The following ATXN1 variants were observed in gnomAD, a reference collection of about 807,000 sequenced individuals.
ATXN1 encodes ataxin 1.
In ATXN1, 8 loss-of-function variants were observed where a neutral mutation model predicts 56.4. That is an observed-to-expected ratio of 0.14 (90% confidence interval 0.08 to 0.26). The LOEUF is 0.26. ATXN1 is among the 10% of genes least tolerant of loss of function. The probability of loss-of-function intolerance (pLI) is 1.00; values close to 1 mark genes in which losing one functional copy is unlikely to be tolerated. For synonymous variants in ATXN1, 514 were observed against 494.6 expected, an observed-to-expected ratio of 1.04 and a Z score of -0.52; for missense variants, 987 against 1,106.5, an observed-to-expected ratio of 0.89 and a Z score of 1.53.
chr6:16,533,194 GA>G (rs1761537641), intron 4 of ATXN1, among the ~76,000 whole-genome samples: 1 of 152,084 alleles, frequency 6.6e-6, no homozygotes, highest in South Asian at 2.1e-4. Flanking sequence ...TTAAAAATGG[GA>G]AAAATGATGA....
intron 2 of ATXN1, among the ~76,000 whole-genome samples, chr6:16,703,446 G>A (rs925080982): frequency 6.6e-5 from 10 of 152,116 alleles, no homozygotes; most frequent in South Asian, 4.2e-4. Flanking sequence ...AAACCTGCAA[G>A]TTGTGCACAT....
intron 5 of ATXN1, among the ~76,000 whole-genome samples, chr6:16,490,661 T>G (rs1345165801): frequency 6.6e-6 from 1 of 152,212 alleles, no homozygotes; most frequent in Non-Finnish European, 1.5e-5. Context: ...TCCTTTTATT[T>G]AGTAGACTAG....
intron 3 of ATXN1, among the ~76,000 whole-genome samples, chr6:16,606,888 T>TGTGTGTGTGTGTGTGTG (rs145108851): frequency 1.6e-4 from 23 of 147,032 alleles, no homozygotes; most frequent in Admixed American, 3.4e-4. Flanking sequence ...TGTGTGTGTG[T>TGTGTGTGTGTGTGTGTG]TGTTTGTTTG....
At position 16,300,452 on chromosome 6, in the gene ATXN1, A is replaced by G. The variant is rs1392814776; in HGVS notation, c.*5877T>C. On this transcript the variant is annotated 3_prime_UTR_variant, in exon 8 of 8. Transcript: ENST00000436367. ...CGAGATTCTGAATTTAAGAATTGTA[A>G]GTGGGGGTGCTTAATATCCCCACAG... 1 of 152,356 alleles carries G rather than the reference A, an allele frequency of 6.6e-6. No homozygotes were observed. The highest frequency in any genetic ancestry group is 1.5e-5 in the Non-Finnish European group (1 of 68,034). The allele number at this position is 152,356 out of a possible 1,614,324, so 9.4% of individuals were successfully genotyped here. A position where few individuals can be genotyped will look rare whatever the true frequency, so the allele number is the denominator to read the frequency against.
chr6:16,459,528 C>T (rs1759948278), intron 6 of ATXN1, among the ~76,000 whole-genome samples: 1 of 152,144 alleles, frequency 6.6e-6, no homozygotes, highest in Non-Finnish European at 1.5e-5. Context: ...GAAGTAATTC[C>T]TCTATATCCG....
At chr6:16,435,035 G>C (rs998553658) in intron 6 of ATXN1, among the ~76,000 whole-genome samples, 1 of 152,098 alleles carries the variant, frequency 6.6e-6, no homozygotes, top group Non-Finnish European at 1.5e-5. Flanking sequence ...AGTAGGACTT[G>C]GTGACACATT....
chr6:16,598,407 T>TATATGC (rs774379504), intron 3 of ATXN1, among the ~76,000 whole-genome samples: 2 of 152,244 alleles, frequency 1.3e-5, no homozygotes, highest in Non-Finnish European at 2.9e-5. Flanking sequence ...ATCTCCAAAA[T>TATATGC]ATATGCATAT....
intron 7 of ATXN1, among the ~76,000 whole-genome samples, chr6:16,322,064 A>T (rs963716537): frequency 6.6e-6 from 1 of 152,294 alleles, no homozygotes; most frequent in East Asian, 1.9e-4. Context: ...TCTACAAAAA[A>T]ACACAGAAAA....
chr6:16,604,226 C>T (rs984496008), intron 3 of ATXN1, among the ~76,000 whole-genome samples: 1 of 150,894 alleles, frequency 6.6e-6, no homozygotes, highest in Non-Finnish European at 1.5e-5. Context: ...GCACATGGCA[C>T]ACACCTGTAA....
chr6:16,634,256 C>T (rs944040278), intron 3 of ATXN1, among the ~76,000 whole-genome samples: 12 of 152,180 alleles, frequency 7.9e-5, no homozygotes, highest in Admixed American at 5.9e-4. Flanking sequence ...ACTTAGCAAG[C>T]ACTACCATGG....
chr6:16,387,290 T>G (rs17651247), intron 6 of ATXN1, among the ~76,000 whole-genome samples: 1 of 152,140 alleles, frequency 6.6e-6, no homozygotes, highest in East Asian at 1.9e-4. Context: ...TTGCTCCCTA[T>G]AGGGTCATCA....
At chr6:16,745,802 C>G (rs1402056725) in intron 2 of ATXN1, among the ~76,000 whole-genome samples, 1 of 152,128 alleles carries the variant, frequency 6.6e-6, no homozygotes, top group Non-Finnish European at 1.5e-5. Flanking sequence ...TTCAAAGGTC[C>G]TTTTGAGATT....
At chr6:16,731,803 G>A (rs1213983620) in intron 2 of ATXN1, among the ~76,000 whole-genome samples, 1 of 151,202 alleles carries the variant, frequency 6.6e-6, no homozygotes, top group East Asian at 1.9e-4. Flanking sequence ...CATTCTCTGT[G>A]GTCAAAGAAT....
chr6:16,397,149 T>C (rs1024892932), intron 6 of ATXN1, among the ~76,000 whole-genome samples: 3 of 152,260 alleles, frequency 2.0e-5, no homozygotes, highest in Non-Finnish European at 2.9e-5. Flanking sequence ...TAATGTCACA[T>C]TGGTAGTTTG....
intron 7 of ATXN1, among the ~76,000 whole-genome samples, chr6:16,307,711 T>A (rs1396670699): frequency 1.3e-5 from 2 of 151,978 alleles, no homozygotes; most frequent in Admixed American, 1.3e-4. Context: ...CCAATGTCCT[T>A]TCTAGATGTA....
Position 16,601,208 on chromosome 6 carries a change from T to C in ATXN1, c.-488-15301A>G, listed in dbSNP as rs138911441. ...TCCCAACGTGGCAGTGTTAAATTCA[T>C]GTGTAATTTCAAAATAGGGTATCAG... On this transcript the variant is annotated intron_variant, in intron 3 of 7. Transcript: ENST00000436367. 3.7e-3 allele frequency among the ~76,000 whole-genome samples: 565 copies of C among 152,344 alleles called. 4 individuals carry two copies. Among genetic ancestry groups the C allele is most frequent in the African/African-American group, 0.013 (534 of 41,576 alleles).
chr6:16,710,463 T>C (rs373177176), intron 2 of ATXN1, among the ~76,000 whole-genome samples: 3 of 152,150 alleles, frequency 2.0e-5, no homozygotes, highest in African/African-American at 4.8e-5. Flanking sequence ...CTGAAGGAGA[T>C]AGAACACCAC....
At chr6:16,579,724 G>A (rs927892513) in intron 4 of ATXN1, among the ~76,000 whole-genome samples, 3 of 152,088 alleles carry the variant, frequency 2.0e-5, no homozygotes, top group African/African-American at 7.2e-5. Flanking sequence ...AACAGAGGGG[G>A]AACAGAACAC....
At chr6:16,641,652 C>G (rs1475888851) in intron 3 of ATXN1, among the ~76,000 whole-genome samples, 1 of 152,190 alleles carries the variant, frequency 6.6e-6, no homozygotes, top group Admixed American at 6.5e-5. Context: ...AGATTCATGT[C>G]GTTTTCACGC....
Sources: gnomAD v4.1 joint callset for allele counts (sites outside exome capture counted in the v4.1 genomes callset) on GRCh38, gnomAD v4.1.1 for gene constraint, MANE v1.5 for transcripts, NCBI Gene and HGNC (gene_info 2026-07-23, HGNC 2026-07-21) for gene names.